CATSPERE: variants seen among roughly 807,000 people sequenced by gnomAD.
CATSPERE encodes cation channel sperm-associated auxiliary subunit epsilon.
In CATSPERE, 93 loss-of-function variants were observed where a neutral mutation model predicts 114.1. The observed-to-expected ratio is 0.81, with a 90% CI of 0.69 to 0.97. CATSPERE has a LOEUF of 0.97. Ranked by LOEUF, CATSPERE falls within the 50% of genes least tolerant of loss-of-function variation. The pLI is 0.00. For synonymous variants in CATSPERE, 341 were observed against 384.1 expected (o/e 0.89, Z 1.31); for missense variants, 1,058 against 1,131.6 (o/e 0.93, Z 0.93).
At chr1:244,594,311 C>A (rs1668099395) in intron 17 of CATSPERE, among the ~76,000 whole-genome samples, 1 of 152,000 alleles carries the variant, frequency 6.6e-6, no homozygotes, top group South Asian at 2.1e-4. Context: ...CAGAGTGAGA[C>A]CTTGTCTCAA....
intron 18 of CATSPERE, 51 bp downstream of exon 18, chr1:244,605,845 C>A: frequency 1.6e-6 from 2 of 1,256,638 alleles, no homozygotes; most frequent in Non-Finnish European, 2.3e-6. Context: ...TAGACAATGT[C>A]TTCCTGTTTT....
chr1:244,489,954 G>A (rs1357960033), intron 5 of CATSPERE, among the ~76,000 whole-genome samples: 1 of 152,184 alleles, frequency 6.6e-6, no homozygotes, highest in Admixed American at 6.5e-5. Flanking sequence ...TTAGCACTGA[G>A]TATTAAGAAA....
chr1:244,621,094 AAATATATATAAATATATATAT>A (rs1468859629), intron 20 of CATSPERE, among the ~76,000 whole-genome samples: 5 of 60,996 alleles, frequency 8.2e-5, no homozygotes, highest in East Asian at 4.1e-4. Flanking sequence ...AATATATATA[AAATATATATAAATATATATAT>A]AATATATATA....
intron 17 of CATSPERE, among the ~76,000 whole-genome samples, chr1:244,600,449 A>G: frequency 6.6e-6 from 1 of 152,050 alleles, no homozygotes. Context: ...ATGAATTTGT[A>G]GGCAAAAACA....
At chr1:244,639,098 A>G (rs372803290) in intron 21 of CATSPERE, among the ~76,000 whole-genome samples, 1 of 152,012 alleles carries the variant, frequency 6.6e-6, no homozygotes, top group Non-Finnish European at 1.5e-5. Context: ...CCACCTATCA[A>G]TCCTCATCTC....
chr1:244,581,671 A>T (rs374003651), intron 11 of CATSPERE, 125 bp from the exon 12 acceptor site: 15 of 536,446 alleles, frequency 2.8e-5, no homozygotes, highest in Admixed American at 8.0e-5. Context: ...CACGTGATGA[A>T]CATCATTACA....
chr1:244,579,834 C>T (rs1392707153), intron 11 of CATSPERE, among the ~76,000 whole-genome samples: 1 of 152,168 alleles, frequency 6.6e-6, no homozygotes, highest in East Asian at 1.9e-4. Context: ...ATGAAAGTAA[C>T]TACCTCATAA....
At chr1:244,480,612 T>A (rs1341364735) in intron 5 of CATSPERE, among the ~76,000 whole-genome samples, 2 of 56,208 alleles carry the variant, frequency 3.6e-5, no homozygotes, top group Non-Finnish European at 8.2e-5. Flanking sequence ...ATCAGAATAC[T>A]CATGTCTTCA....
chr1:244,516,039 C>A (rs1676551530), intron 7 of CATSPERE, among the ~76,000 whole-genome samples: 1 of 151,502 alleles, frequency 6.6e-6, no homozygotes, highest in African/African-American at 2.4e-5. Flanking sequence ...ACAAAAAATA[C>A]CAAAATTAGC....
At chr1:244,586,400 A>G (rs1667030893) in intron 13 of CATSPERE, among the ~76,000 whole-genome samples, 1 of 152,152 alleles carries the variant, frequency 6.6e-6, no homozygotes, top group African/African-American at 2.4e-5. Context: ...ACCTTTGTCA[A>G]CCCTTATATA....
At chr1:244,478,120 T>C (rs1320163779) in intron 4 of CATSPERE, 145 bp downstream of exon 4, 1 of 487,758 alleles carries the variant, frequency 2.1e-6, no homozygotes, top group Non-Finnish European at 3.6e-6. Context: ...ACAAGCCCTA[T>C]TTTAAAGTTA....
intron 13 of CATSPERE, among the ~76,000 whole-genome samples, chr1:244,586,505 T>G (rs1667045385): frequency 6.6e-6 from 1 of 152,136 alleles, no homozygotes; most frequent in Non-Finnish European, 1.5e-5. Context: ...GGTAGTGTGG[T>G]TGGGAGAACA....
At chr1:244,518,997 G>A (rs1048181911) in intron 8 of CATSPERE, among the ~76,000 whole-genome samples, 1 of 151,660 alleles carries the variant, frequency 6.6e-6, no homozygotes, top group Non-Finnish European at 1.5e-5. Flanking sequence ...AGTCAACCAC[G>A]GTGGTGTCCA....
intron 8 of CATSPERE, among the ~76,000 whole-genome samples, chr1:244,521,679 A>C (rs1234627802): frequency 6.6e-6 from 1 of 152,222 alleles, no homozygotes; most frequent in Non-Finnish European, 1.5e-5. Flanking sequence ...AAAAATTAGA[A>C]ATATAGAATA....
At chr1:244,490,726 G>T (rs1289582694) in intron 6 of CATSPERE, among the ~76,000 whole-genome samples, 1 of 151,626 alleles carries the variant, frequency 6.6e-6, no homozygotes, top group Non-Finnish European at 1.5e-5. Context: ...CTTGGCTGAA[G>T]GAGCAGAGAT....
chr1:244,598,596 G>T, intron 17 of CATSPERE: 1 of 349,838 alleles, frequency 2.9e-6, no homozygotes, highest in South Asian at 2.4e-5. Flanking sequence ...ATGGAGATTG[G>T]GCCCAGTCTT....
chr1:244,480,903 G>A (rs369866396), intron 5 of CATSPERE, among the ~76,000 whole-genome samples: 15 of 152,166 alleles, frequency 9.9e-5, no homozygotes, highest in African/African-American at 3.6e-4. Flanking sequence ...GGCACTTTCA[G>A]AAATCCCAGT....
At chr1:244,613,037 A>G (rs561124497) in intron 19 of CATSPERE, among the ~76,000 whole-genome samples, 1 of 152,212 alleles carries the variant, frequency 6.6e-6, no homozygotes, top group South Asian at 2.1e-4. Flanking sequence ...GGAAATAGGA[A>G]ACAATATAAA....
intron 7 of CATSPERE, among the ~76,000 whole-genome samples, chr1:244,510,823 CTTTTTCTTTTTCT>C (rs1675589488): frequency 2.2e-5 from 2 of 91,610 alleles, no homozygotes; most frequent in East Asian, 3.0e-4. Context: ...TTTTTTTTTT[CTTTTTCTTTTTCT>C]TTTTTTTTTT....
Sources: gnomAD v4.1 joint callset for allele counts (sites outside exome capture counted in the v4.1 genomes callset) on GRCh38, gnomAD v4.1.1 for gene constraint, MANE v1.5 for transcripts, NCBI Gene and HGNC (gene_info 2026-07-23, HGNC 2026-07-21) for gene names.